Variants in SNTG2 observed in about 807,000 individuals in gnomAD.
The protein encoded by SNTG2 is gamma-2-syntrophin.
A neutral mutation model predicts 70.9 loss-of-function variants in SNTG2; 74 were observed. The observed-to-expected ratio is 1.04, with a 90% confidence interval of 0.86 to 1.27. The LOEUF is 1.27. SNTG2 is among the 50% of genes most tolerant of loss of function. SNTG2 has a pLI of 0.00. For missense variants in SNTG2, 717 were observed against 690.7 expected (o/e 1.04, Z -0.43); for synonymous variants, 278 against 273.8 (o/e 1.02, Z -0.15).
intron 2 of SNTG2, among the ~76,000 whole-genome samples, chr2:1,086,298 C>G (rs1273068332): frequency 6.6e-6 from 1 of 152,218 alleles, no homozygotes; most frequent in Non-Finnish European, 1.5e-5. Flanking sequence ...GAGGAAGACA[C>G]GGGCTCGCTC....
intron 1 of SNTG2, among the ~76,000 whole-genome samples, chr2:1,058,367 T>C (rs1023382231): frequency 6.6e-6 from 1 of 152,144 alleles, no homozygotes; most frequent in African/African-American, 2.4e-5. Context: ...ACACCAGTAG[T>C]GTTAAATGAA....
chr2:1,021,121 C>T (rs1660146703), intron 1 of SNTG2, among the ~76,000 whole-genome samples: 1 of 152,128 alleles, frequency 6.6e-6, no homozygotes, highest in South Asian at 2.1e-4. Context: ...TTGATCTCTT[C>T]CAGTGGGGGC....
At chr2:1,220,033 A>T (rs2148020322) in intron 9 of SNTG2, 1 of 152,354 alleles carries the variant, frequency 6.6e-6, no homozygotes, top group East Asian at 1.9e-4. Context: ...AAAGGAGAGT[A>T]TCATGTTTAA....
Position 1,184,990 on chromosome 2 carries a change from T to A in SNTG2, c.591+11807T>A, listed in dbSNP as rs181328883. On this transcript the variant is annotated intron_variant, in intron 8 of 16. Transcript: ENST00000308624. ...CACCTATAAGCCTGTAAAATAATTT[T>A]AAAAAGTTAGTTACTTCCAAGATAC... Among the ~76,000 whole-genome samples the A allele has an allele frequency of 6.0e-3, 918 of 152,290 alleles. 12 individuals are homozygous for A. Among genetic ancestry groups the A allele is most frequent in the Admixed American group, 9.4e-3 (144 of 15,290 alleles).
intron 1 of SNTG2, among the ~76,000 whole-genome samples, chr2:1,071,365 A>ATTGGAAACCATCATTCTCAGTAAAC: frequency 6.6e-6 from 1 of 150,406 alleles, no homozygotes; most frequent in Non-Finnish European, 1.5e-5. Context: ...CATGGATGAA[A>ATTGGAAACCATCATTCTCAGTAAAC]TTGGAAACCA....
Position 1,008,072 on chromosome 2 carries a change from G to T in SNTG2, c.72+57004G>T, listed in dbSNP as rs141176748. ...CCGACCAGGTTTTTATTTTGTGGGG[G>T]GCTTGTTATTTCTTGGCCTTACTGA... On this transcript the variant is annotated intron_variant, in intron 1 of 16. Transcript: ENST00000308624. Among the ~76,000 whole-genome samples the T allele has an allele frequency of 6.9e-3, 1,045 of 152,158 alleles. 11 individuals are homozygous for T. Among genetic ancestry groups the T allele is most frequent in the African/African-American group, 0.024 (989 of 41,536 alleles).
intron 1 of SNTG2, among the ~76,000 whole-genome samples, chr2:1,064,920 T>C (rs993815532): frequency 6.6e-6 from 1 of 152,098 alleles, no homozygotes; most frequent in Admixed American, 6.6e-5. Context: ...AGAAACACAT[T>C]TAACAAAAAG....
intron 13 of SNTG2, among the ~76,000 whole-genome samples, chr2:1,261,961 C>G (rs1374192769): frequency 1.3e-5 from 2 of 152,134 alleles, no homozygotes; most frequent in Non-Finnish European, 2.9e-5. Context: ...GTTCCGGGAG[C>G]CTGTCGCGAG....
At chr2:1,051,012 T>C (rs916353543) in intron 1 of SNTG2, among the ~76,000 whole-genome samples, 1 of 152,260 alleles carries the variant, frequency 6.6e-6, no homozygotes, top group Non-Finnish European at 1.5e-5. Context: ...CTGATATTTT[T>C]ATTAATTTCA....
Position 1,267,373 on chromosome 2 carries a change from C to A in SNTG2, c.1086C>A (p.Leu362=). Residue 362 remains leucine, a synonymous_variant, in exon 14 of 17, where the codon CTC becomes CTA. Transcript: ENST00000308624. ...CATGCTCTGTTTTTCAGTTCTGGCT[C>A]ACAGAGGACTGCTGGTTGCAAGCAA... ...EVLFKVHKFW[L]TEDCWLQANL... 1 of 1,599,284 alleles carries A rather than the reference C, an allele frequency of 6.3e-7. No homozygotes were observed. Among genetic ancestry groups the A allele is most frequent in the Non-Finnish European group, 8.5e-7 (1 of 1,172,158 alleles).
intron 6 of SNTG2, chr2:1,158,594 C>T (rs1205299784): frequency 5.3e-5 from 8 of 152,234 alleles, no homozygotes; most frequent in Non-Finnish European, 8.8e-5. Context: ...TGTAAGCACG[C>T]CAAAGTGTAT....
chr2:1,088,192 C>T (rs1664799292), intron 2 of SNTG2, among the ~76,000 whole-genome samples: 1 of 152,172 alleles, frequency 6.6e-6, no homozygotes, highest in South Asian at 2.1e-4. Flanking sequence ...CCCTTTTAAG[C>T]TAATTGGACA....
At chr2:1,048,046 A>C (rs1661837458) in intron 1 of SNTG2, among the ~76,000 whole-genome samples, 1 of 151,976 alleles carries the variant, frequency 6.6e-6, no homozygotes. Flanking sequence ...ATATTTTTGT[A>C]CTTCTTAACA....
At chr2:1,018,019 A>T (rs1002010114) in intron 1 of SNTG2, among the ~76,000 whole-genome samples, 8 of 152,126 alleles carry the variant, frequency 5.3e-5, no homozygotes, top group African/African-American at 1.7e-4. Flanking sequence ...CCCTTTCAGA[A>T]TTTCGTGCAT....
At chr2:1,266,234 G>GT (rs1433198994) in intron 13 of SNTG2, among the ~76,000 whole-genome samples, 1 of 152,090 alleles carries the variant, frequency 6.6e-6, no homozygotes, top group African/African-American at 2.4e-5. Context: ...TTGAGTGCGC[G>GT]TTCACCATGC....
chr2:997,541 G>T (rs914807125), intron 1 of SNTG2, among the ~76,000 whole-genome samples: 2 of 152,300 alleles, frequency 1.3e-5, no homozygotes, highest in South Asian at 2.1e-4. Context: ...CTGTGCTGTG[G>T]GACACAGAAT....
At chr2:1,197,214 T>C (rs932168245) in intron 8 of SNTG2, among the ~76,000 whole-genome samples, 4 of 152,064 alleles carry the variant, frequency 2.6e-5, no homozygotes, top group African/African-American at 9.7e-5. Context: ...AATTATATGC[T>C]GCCCACAAGA....
intron 6 of SNTG2, among the ~76,000 whole-genome samples, chr2:1,141,976 C>T (rs1042678926): frequency 2.6e-4 from 40 of 152,172 alleles, no homozygotes; most frequent in African/African-American, 9.4e-4. Context: ...TTGTCCACCA[C>T]TCATAGATGT....
intron 8 of SNTG2, among the ~76,000 whole-genome samples, chr2:1,200,952 T>C (rs908769274): frequency 6.6e-6 from 1 of 152,006 alleles, no homozygotes; most frequent in African/African-American, 2.4e-5. Flanking sequence ...TTTTTAGAAA[T>C]GTACGTTAGT....
Sources: allele counts gnomAD v4.1 joint callset (sites outside exome capture counted in the v4.1 genomes callset), GRCh38; gene constraint gnomAD v4.1.1; transcripts MANE v1.5; gene names NCBI Gene and HGNC (gene_info 2026-07-23, HGNC 2026-07-21).